The following TLE1 variants were observed in gnomAD, a reference collection of about 807,000 sequenced individuals.
TLE1 encodes TLE family member 1, transcriptional corepressor.
In TLE1, 21 loss-of-function variants were observed where a neutral mutation model predicts 89.8. The observed-to-expected ratio is 0.23, with a 90% CI of 0.17 to 0.34. The LOEUF is 0.34. Among genes scored for constraint, TLE1 ranks in the 10% least tolerant of loss-of-function variants. TLE1 has a pLI of 1.00. For missense variants in TLE1, 795 were observed against 1,031.2 expected (o/e 0.77, Z 3.14); for synonymous variants, 447 against 407.6 (o/e 1.10, Z -1.16).
chr9:81,684,675 C>T (rs1410903169), intron 4 of TLE1, among the ~76,000 whole-genome samples: 1 of 152,240 alleles, frequency 6.6e-6, no homozygotes, highest in African/African-American at 2.4e-5. Context: ...AGCACATATA[C>T]ATCAAGTAAG....
chr9:81,687,306 C>T, intron 2 of TLE1, 28 bp downstream of exon 2: 1 of 1,578,610 alleles, frequency 6.3e-7, no homozygotes, highest in Non-Finnish European at 8.6e-7. Context: ...CGCCCGCGAC[C>T]ACTCGCATGG....
chr9:81,598,924 GA>G (rs1433609612), intron 14 of TLE1, among the ~76,000 whole-genome samples: 1 of 152,150 alleles, frequency 6.6e-6, no homozygotes, highest in African/African-American at 2.4e-5. Flanking sequence ...CTGGGCCCTG[GA>G]AAGCAGGACC....
intron 15 of TLE1, among the ~76,000 whole-genome samples, 174 bp from the exon 16 acceptor site, chr9:81,591,226 T>C (rs543277009): frequency 6.6e-5 from 10 of 152,304 alleles, no homozygotes; most frequent in Admixed American, 3.3e-4. Context: ...TCCTTCAAAA[T>C]AGTAAACAAA....
intron 6 of TLE1, among the ~76,000 whole-genome samples, chr9:81,649,566 A>G (rs1416681512): frequency 3.3e-5 from 5 of 152,208 alleles, no homozygotes; most frequent in African/African-American, 1.2e-4. Context: ...CTTGTAATAG[A>G]TGTCTAAACC....
intron 4 of TLE1, among the ~76,000 whole-genome samples, chr9:81,662,123 T>C (rs1461875518): frequency 6.6e-5 from 10 of 152,072 alleles, no homozygotes; most frequent in Admixed American, 6.5e-4. Flanking sequence ...AAAAAACAGG[T>C]AAAGATGTAA....
At chr9:81,628,959 C>T (rs564296369) in intron 8 of TLE1, among the ~76,000 whole-genome samples, 60 of 152,240 alleles carry the variant, frequency 3.9e-4, no homozygotes, top group Non-Finnish European at 7.2e-4. Flanking sequence ...AATGCCACTG[C>T]GTAGGTCTAT....
chr9:81,628,324 T>C (rs1027259212), intron 8 of TLE1, among the ~76,000 whole-genome samples: 2 of 152,228 alleles, frequency 1.3e-5, no homozygotes, highest in Non-Finnish European at 1.5e-5. Context: ...GCCTTGCCTG[T>C]GTAGCCAGAA....
chr9:81,658,904 TTATC>T (rs1345493734), intron 4 of TLE1, among the ~76,000 whole-genome samples: 1 of 152,046 alleles, frequency 6.6e-6, no homozygotes, highest in Non-Finnish European at 1.5e-5. Context: ...ATGTATTTAT[TTATC>T]TATTTATTTA....
At chr9:81,667,569 G>A (rs1316841169) in intron 4 of TLE1, among the ~76,000 whole-genome samples, 1 of 151,968 alleles carries the variant, frequency 6.6e-6, no homozygotes, top group Non-Finnish European at 1.5e-5. Context: ...AACTTCTTAG[G>A]GAAAACAGCT....
chr9:81,684,697 T>G (rs1327251680), intron 4 of TLE1, among the ~76,000 whole-genome samples: 1 of 152,266 alleles, frequency 6.6e-6, no homozygotes, highest in Non-Finnish European at 1.5e-5. Flanking sequence ...ATTGTATTGT[T>G]GCACTTTGAA....
intron 6 of TLE1, among the ~76,000 whole-genome samples, chr9:81,635,029 GA>G (rs1170617027): frequency 1.3e-5 from 2 of 152,088 alleles, no homozygotes; most frequent in Non-Finnish European, 2.9e-5. Flanking sequence ...CAGAAGGAAT[GA>G]AGGCTCAAAG....
At chr9:81,667,516 GACCC>G (rs1484451045) in intron 4 of TLE1, among the ~76,000 whole-genome samples, 1 of 151,986 alleles carries the variant, frequency 6.6e-6, no homozygotes, top group Non-Finnish European at 1.5e-5. Context: ...ACAGCTGAAT[GACCC>G]ACATACATGA....
At chr9:81,639,827 G>A (rs1827886792) in intron 6 of TLE1, among the ~76,000 whole-genome samples, 1 of 151,744 alleles carries the variant, frequency 6.6e-6, no homozygotes, top group East Asian at 2.0e-4. Context: ...CGAATGATCA[G>A]CCCACCTCGG....
At position 81,620,502 on chromosome 9, in the gene TLE1, C is replaced by A; in HGVS notation, c.650G>T (p.Gly217Val). Residue 217 changes from glycine to valine, a missense_variant, in exon 9 of 20, where the codon GGA becomes GTA. By Grantham distance (109) the Gly-to-Val change is moderately radical. This residue lies in a region of TLE1 where 468 missense variants were observed against 509.1 expected (regional missense o/e 0.92). Transcript: ENST00000376499. ...CTTGATGTCATTGGAAAATTCAGGT[C>A]CATTTCTGCGTTTATCTGTGCCTCT... Reference protein sequence around the residue: ...SLRGTDKRRNGPEFSNDIKKR... With the variant: ...SLRGTDKRRNVPEFSNDIKKR... 1 of 1,614,048 alleles carries A rather than the reference C, an allele frequency of 6.2e-7. No individual in the cohort carries two copies. Among genetic ancestry groups the A allele is most frequent in the Non-Finnish European group, 8.5e-7 (1 of 1,179,968 alleles).
intron 8 of TLE1, among the ~76,000 whole-genome samples, chr9:81,632,472 TCCC>T (rs67924421): frequency 0.1 from 7,167 of 68,364 alleles, 228 homozygotes; most frequent in South Asian, 0.22. Flanking sequence ...ATGTTCAGTA[TCCC>T]TTTTTTTTTT....
chr9:81,687,435 C>G lies in TLE1; in HGVS notation c.25-1G>C, dbSNP rs774765349. On this transcript the variant is annotated splice_acceptor_variant, in intron 1 of 19. Transcript: ENST00000376499. LOFTEE classifies it high-confidence loss of function. ...GCTGGCCTGCAGCCTGGTGCGGCGT[C>G]TGGGGGCGACCAGCGAGGGGGACCG... 4.4e-6 allele frequency: 7 copies of G among 1,607,916 alleles called. No individual in the cohort carries two copies. Among genetic ancestry groups the G allele is most frequent in the Admixed American group, 1.7e-5 (1 of 59,198 alleles).
At chr9:81,599,890 A>G (rs1017599550) in intron 14 of TLE1, 22 of 508,344 alleles carry the variant, frequency 4.3e-5, no homozygotes, top group Non-Finnish European at 7.5e-5. Context: ...AGAGGCATAC[A>G]CTCTATTTTC....
chr9:81,637,203 T>C (rs560610418), intron 6 of TLE1, among the ~76,000 whole-genome samples: 48 of 151,382 alleles, frequency 3.2e-4, no homozygotes, highest in African/African-American at 1.1e-3. Context: ...ACTAAAAATA[T>C]ACAAATTAGC....
At position 81,650,914 on chromosome 9, in the gene TLE1, G is replaced by T. The variant is rs1403189082; in HGVS notation, c.372+1300C>A. On this transcript the variant is annotated intron_variant, in intron 6 of 19. Transcript: ENST00000376499. ...TATTTCACCTAATTGACTGCCAATAGCTTACCACAGACAACTCAACTGCAG... is the reference window on the plus strand; with the variant it reads ...TATTTCACCTAATTGACTGCCAATATCTTACCACAGACAACTCAACTGCAG... Among the ~76,000 whole-genome samples, 3 of 152,196 alleles carry T rather than the reference G, an allele frequency of 2.0e-5. No individual in the cohort carries two copies. In the South Asian group the frequency reaches 6.2e-4, roughly 31 times the overall value.
Sources: gnomAD v4.1 joint callset for allele counts (sites outside exome capture counted in the v4.1 genomes callset) on GRCh38, gnomAD v4.1.1 for gene constraint, gnomAD v4.1.1 regional missense constraint, MANE v1.5 for transcripts, NCBI Gene and HGNC (gene_info 2026-07-23, HGNC 2026-07-21) for gene names.